Variants in ANKRD44 observed in about 807,000 individuals in gnomAD.
ANKRD44 encodes ankyrin repeat domain 44.
Under a neutral mutation model 116.0 loss-of-function variants are expected in ANKRD44, and 35 were observed. The ratio of observed to expected loss-of-function variants is 0.30; its 90% CI spans 0.23 to 0.40. The LOEUF (loss-of-function observed/expected upper bound fraction) is 0.40, where lower values mean the gene tolerates loss of function less well. Ranked by LOEUF, ANKRD44 falls within the 10% of genes least tolerant of loss-of-function variation. The pLI, the probability that ANKRD44 is intolerant of heterozygous loss-of-function variation, is 1.00. For synonymous variants in ANKRD44, 435 were observed against 461.8 expected, an observed-to-expected ratio of 0.94 and a Z score of 0.74; for missense variants, 1,014 against 1,242.6, an observed-to-expected ratio of 0.82 and a Z score of 2.77.
intron 8 of ANKRD44, among the ~76,000 whole-genome samples, chr2:197,112,267 T>A (rs1185848690): frequency 1.3e-5 from 2 of 152,226 alleles, no homozygotes; most frequent in Non-Finnish European, 2.9e-5. Flanking sequence ...AAAATGCATG[T>A]TCATTTTGTG....
intron 1 of ANKRD44, among the ~76,000 whole-genome samples, chr2:197,304,270 C>T (rs960008582): frequency 2.6e-5 from 4 of 152,128 alleles, no homozygotes; most frequent in African/African-American, 7.2e-5. Context: ...GCCAAGATTG[C>T]ACCACTATAC....
At chr2:197,232,842 A>G (rs1450124062) in intron 1 of ANKRD44, among the ~76,000 whole-genome samples, 1 of 152,226 alleles carries the variant, frequency 6.6e-6, no homozygotes, top group East Asian at 1.9e-4. Flanking sequence ...ACTTCTCACA[A>G]GCATACCAAG....
intron 26 of ANKRD44, chr2:196,994,901 G>T (rs921597701): frequency 2.6e-5 from 4 of 152,614 alleles, no homozygotes; most frequent in African/African-American, 9.7e-5. Context: ...AAATGAAACA[G>T]CTTTTAGATC....
chr2:197,103,000 T>C (rs577021664), intron 9 of ANKRD44, among the ~76,000 whole-genome samples: 19 of 151,982 alleles, frequency 1.3e-4, no homozygotes, highest in South Asian at 8.3e-4. Flanking sequence ...GAGGCCAAGG[T>C]GGGCAGATCA....
At chr2:197,191,028 ATGAAATCAT>A (rs1197514254) in intron 1 of ANKRD44, among the ~76,000 whole-genome samples, 4 of 152,360 alleles carry the variant, frequency 2.6e-5, no homozygotes, top group African/African-American at 9.6e-5. Flanking sequence ...TTCAGATACC[ATGAAATCAT>A]TGATCATCAT....
At chr2:197,209,950 T>C (rs1559151980) in intron 1 of ANKRD44, among the ~76,000 whole-genome samples, 1 of 152,038 alleles carries the variant, frequency 6.6e-6, no homozygotes, top group African/African-American at 2.4e-5. Flanking sequence ...AGACCTCACT[T>C]GGGGGAATAT....
At chr2:197,076,346 G>A (rs780625156) in intron 16 of ANKRD44, among the ~76,000 whole-genome samples, 1 of 152,170 alleles carries the variant, frequency 6.6e-6, no homozygotes, top group African/African-American at 2.4e-5. Context: ...CCTAGTGCAT[G>A]TAAGTTAATT....
At position 197,089,940 on chromosome 2, in the gene ANKRD44, A is replaced by G. The variant is rs747875046; in HGVS notation, c.1183+10T>C. 2 of 1,612,728 alleles carry G rather than the reference A, an allele frequency of 1.2e-6. No individual in the cohort carries two copies. Among genetic ancestry groups the G allele is most frequent in the East Asian group, 2.2e-5 (1 of 44,854 alleles). On this transcript the variant is annotated intron_variant, in intron 11 of 27. Transcript: ENST00000282272. ...CATTAAGCCTCATCTCTGCTAACAG[A>G]TTTACTTACCCGATGATAACAACTT...
At chr2:197,143,286 G>A (rs1484037061) in intron 3 of ANKRD44, among the ~76,000 whole-genome samples, 1 of 150,436 alleles carries the variant, frequency 6.6e-6, no homozygotes, top group Non-Finnish European at 1.5e-5. Flanking sequence ...TGCCATGCTG[G>A]TGTGCGACAC....
At chr2:197,078,504 G>T in intron 16 of ANKRD44, 199 bp downstream of exon 16, 3 of 1,382,228 alleles carry the variant, frequency 2.2e-6, no homozygotes, top group Non-Finnish European at 2.9e-6. Flanking sequence ...GGTGGTGGTG[G>T]GGCTCTAACC....
Position 197,086,698 on chromosome 2 carries a change from T to C in ANKRD44, c.1298A>G (p.Lys433Arg), listed in dbSNP as rs933344203. ...LLQSSGADFHKKDKCGRTPLH... is the reference protein window; with the variant it reads ...LLQSSGADFHRKDKCGRTPLH... Reference sequence around the variant, plus strand: ...TACATACCTCCCACACTTGTCCTTTTTATGGAAATCTGCTCCGCTGCTCTG... The same window carrying C: ...TACATACCTCCCACACTTGTCCTTTCTATGGAAATCTGCTCCGCTGCTCTG... The change falls in exon 13 of 28, where the codon AAA (lysine) becomes AGA (arginine). Residue 433 changes from lysine to arginine, a missense_variant. Physicochemically the swap from Lys to Arg is conservative, Grantham distance 26 (BLOSUM62 2). Transcript: ENST00000282272. 1.9e-6 allele frequency: 3 copies of C among 1,613,966 alleles called. No individual in the cohort carries two copies. The highest frequency in any genetic ancestry group is 2.5e-6 in the Non-Finnish European group (3 of 1,179,856).
At chr2:197,228,872 C>T (rs1559167586) in intron 1 of ANKRD44, among the ~76,000 whole-genome samples, 1 of 152,164 alleles carries the variant, frequency 6.6e-6, no homozygotes, top group Non-Finnish European at 1.5e-5. Flanking sequence ...CCTGTCTCTA[C>T]TAAAAATACA....
intron 2 of ANKRD44, among the ~76,000 whole-genome samples, chr2:197,164,538 GAAAC>G (rs2080056788): frequency 6.6e-6 from 1 of 152,222 alleles, no homozygotes; most frequent in South Asian, 2.1e-4. Context: ...GGGTGGGAAA[GAAAC>G]AAAGGCCGGC....
At chr2:197,258,270 CTTTTTTTTTTTTT>C (rs71395680) in intron 1 of ANKRD44, among the ~76,000 whole-genome samples, 1 of 79,222 alleles carries the variant, frequency 1.3e-5, no homozygotes, top group African/African-American at 6.2e-5. Context: ...TTGGCTAATC[CTTTTTTTTTTTTT>C]TTTTTTTTTT....
In ANKRD44 at chr2:197,083,611, TG is replaced by T. The variant is rs1260027528; in HGVS notation, c.1317-103del. 3.7e-6 allele frequency: 5 copies of T among 1,364,716 alleles called. No individual in the cohort carries two copies. In the African/African-American group the frequency reaches 7.3e-5, roughly 20 times the overall value. The allele number at this position is 1,364,716 out of a possible 1,614,324, so 84.5% of individuals were successfully genotyped here. On this transcript the variant is annotated intron_variant, in intron 13 of 27. Transcript: ENST00000282272. ...GTATGCCTAGGGCATGGAAAGCTCT[TG>T]GACTCTCAGAGTGTGTGGAGGCCAA... is the stretch of plus-strand genomic sequence containing the variant.
At chr2:197,259,727 C>A (rs1547590) in intron 1 of ANKRD44, among the ~76,000 whole-genome samples, 1 of 152,180 alleles carries the variant, frequency 6.6e-6, no homozygotes, top group East Asian at 1.9e-4. Flanking sequence ...CAGGCCCCAG[C>A]AGGAAGGACT....
intron 2 of ANKRD44, among the ~76,000 whole-genome samples, chr2:197,183,936 T>C (rs559008829): frequency 3.3e-4 from 51 of 152,356 alleles, no homozygotes; most frequent in African/African-American, 1.2e-3. Flanking sequence ...CAGGTCCTCA[T>C]GATTAACCTT....
At chr2:197,053,318 T>C (rs2077145547) in intron 16 of ANKRD44, among the ~76,000 whole-genome samples, 1 of 152,218 alleles carries the variant, frequency 6.6e-6, no homozygotes, top group Admixed American at 6.5e-5. Context: ...GGTGGGATCA[T>C]AGGGGATTTC....
intron 1 of ANKRD44, among the ~76,000 whole-genome samples, chr2:197,268,889 A>G (rs1373113620): frequency 6.6e-6 from 1 of 152,198 alleles, no homozygotes; most frequent in African/African-American, 2.4e-5. Context: ...TTAAATTGTA[A>G]TGATCTAAAG....
Sources: allele counts gnomAD v4.1 joint callset (sites outside exome capture counted in the v4.1 genomes callset), GRCh38; gene constraint gnomAD v4.1.1; transcripts MANE v1.5; gene names NCBI Gene and HGNC (gene_info 2026-07-23, HGNC 2026-07-21).